Variants in MTCL2 observed in about 807,000 individuals in gnomAD.
MTCL2 encodes microtubule cross-linking factor 2.
At chr20:36,794,945 T>G in the MTCL2 span, among the ~76,000 whole-genome samples, 15 of 151,280 alleles carry the variant, frequency 9.9e-5, no homozygotes, top group Non-Finnish European at 1.9e-4. This position sits in a 1 kb window ranked among gnomAD's most constrained non-coding sequence, Gnocchi z 5.4. Flanking sequence ...TTTTTTTTCT[T>G]TTTTTTTTCT....
chr20:36,809,542 G>A, the MTCL2 span, among the ~76,000 whole-genome samples: 2 of 151,372 alleles, frequency 1.3e-5, no homozygotes, highest in Non-Finnish European at 2.9e-5. Context: ...GGGCACAGGG[G>A]CTGAAGACTC....
the MTCL2 span, chr20:36,785,219 G>T: frequency 1.0e-6 from 1 of 985,368 alleles, no homozygotes; most frequent in Non-Finnish European, 1.2e-6. Context: ...TGACCAGGAG[G>T]CCAGGTCTCC....
chr20:36,790,864 T>C, the MTCL2 span, among the ~76,000 whole-genome samples: 13 of 151,330 alleles, frequency 8.6e-5, no homozygotes, highest in Admixed American at 8.6e-4. Flanking sequence ...CATGAGCCAT[T>C]GCACCTGGCC....
chr20:36,839,532 C>T, the MTCL2 span: 13 of 1,144,508 alleles, frequency 1.1e-5, no homozygotes, highest in African/African-American at 6.2e-5. The surrounding 1 kb of genome is among the most constrained non-coding windows in gnomAD (Gnocchi z 5.1). Flanking sequence ...AATGAAGCAC[C>T]GTGGGGGACC....
At chr20:36,777,587 G>A in the MTCL2 span, 68 of 432,364 alleles carry the variant, frequency 1.6e-4, no homozygotes, top group Non-Finnish European at 2.5e-4. Context: ...CCTAGCACCC[G>A]ATCCATCCTA....
chr20:36,846,833 C>T, the MTCL2 span, among the ~76,000 whole-genome samples: 1 of 152,116 alleles, frequency 6.6e-6, no homozygotes, highest in African/African-American at 2.4e-5. Context: ...ATGGTGAAAC[C>T]CCATCTCTAC....
At chr20:36,829,284 C>T in the MTCL2 span, 1 of 1,461,042 alleles carries the variant, frequency 6.8e-7, no homozygotes, top group South Asian at 1.3e-5. Context: ...CCACTGACCA[C>T]CCGACTTTCA....
the MTCL2 span, among the ~76,000 whole-genome samples, chr20:36,801,922 C>A: frequency 4.0e-5 from 6 of 151,446 alleles, no homozygotes; most frequent in South Asian, 1.0e-3. Flanking sequence ...TGAGATCACA[C>A]CACTGTACTC....
At chr20:36,825,921 C>T in the MTCL2 span, among the ~76,000 whole-genome samples, 1 of 152,244 alleles carries the variant, frequency 6.6e-6, no homozygotes, top group Non-Finnish European at 1.5e-5. Context: ...TCTTGAGCAC[C>T]TACTCTGTAC....
At chr20:36,793,816 G>C in the MTCL2 span, 1 of 1,542,872 alleles carries the variant, frequency 6.5e-7, no homozygotes, top group Non-Finnish European at 8.7e-7. The surrounding 1 kb of genome is among the most constrained non-coding windows in gnomAD (Gnocchi z 6.8). Flanking sequence ...CCTTGTCCAG[G>C]GAGGAGGAGA....
At chr20:36,849,251 G>A in the MTCL2 span, among the ~76,000 whole-genome samples, 2 of 151,312 alleles carry the variant, frequency 1.3e-5, no homozygotes, top group African/African-American at 2.4e-5. Flanking sequence ...TAGTAGAGAC[G>A]GGGTTTCGCC....
the MTCL2 span, chr20:36,793,228 G>A: frequency 4.8e-5 from 74 of 1,543,590 alleles, no homozygotes; most frequent in Non-Finnish European, 6.5e-5. The surrounding 1 kb of genome is among the most constrained non-coding windows in gnomAD (Gnocchi z 6.8). Context: ...CTAAGAGAAA[G>A]GACAGATCCC....
chr20:36,818,793 G>A, the MTCL2 span, among the ~76,000 whole-genome samples: 2 of 152,136 alleles, frequency 1.3e-5, no homozygotes, highest in African/African-American at 2.4e-5. Flanking sequence ...CACCAACAAA[G>A]GGTTGATATC....
the MTCL2 span, chr20:36,804,592 C>A: frequency 3.0e-5 from 32 of 1,079,910 alleles, no homozygotes; most frequent in Middle Eastern, 3.1e-4. Context: ...TTAGGCAAGT[C>A]TCTTGCCCTC....
At chr20:36,814,744 A>G in the MTCL2 span, among the ~76,000 whole-genome samples, 3 of 152,142 alleles carry the variant, frequency 2.0e-5, no homozygotes, top group South Asian at 6.2e-4. Flanking sequence ...AAAATTAGCC[A>G]GGCATGATGG....
the MTCL2 span, chr20:36,786,372 G>C: frequency 2.9e-6 from 4 of 1,382,286 alleles, no homozygotes; most frequent in Non-Finnish European, 3.8e-6. Flanking sequence ...TGTCCCTCCA[G>C]GGCCAGGCAA....
chr20:36,816,118 G>A, the MTCL2 span: 9 of 1,613,548 alleles, frequency 5.6e-6, no homozygotes, highest in Non-Finnish European at 5.9e-6. Context: ...TCGGTCTCCC[G>A]CGAGTGGGGG....
At chr20:36,810,715 TCC>T in the MTCL2 span, among the ~76,000 whole-genome samples, 1,323 of 130,050 alleles carry the variant, frequency 0.01, 44 homozygotes, top group African/African-American at 0.039. Context: ...CTTCTCTCTC[TCC>T]CTCTCTCTCT....
chr20:36,806,537 T>G, the MTCL2 span, among the ~76,000 whole-genome samples: 3 of 152,186 alleles, frequency 2.0e-5, no homozygotes, highest in Non-Finnish European at 4.4e-5. Flanking sequence ...ATTTTTTTTT[T>G]GAGATGGAGT....
Sources: allele counts gnomAD v4.1 joint callset (sites outside exome capture counted in the v4.1 genomes callset), GRCh38; gene constraint gnomAD v4.1.1; non-coding constraint Gnocchi (gnomAD v3.1); transcripts MANE v1.5; gene names NCBI Gene and HGNC (gene_info 2026-07-23, HGNC 2026-07-21).